The following PHEX variants were observed in gnomAD, a reference collection of about 807,000 sequenced individuals.
PHEX encodes the protein phosphate regulating endopeptidase X-linked.
In PHEX, 16 loss-of-function variants were observed where a neutral mutation model predicts 68.0. That is an observed-to-expected ratio of 0.24 (90% CI 0.16 to 0.36). The LOEUF is 0.36. PHEX is among the 10% of genes least tolerant of loss of function. The pLI is 1.00. For synonymous variants in PHEX, 208 were observed against 205.1 expected (o/e 1.01, Z -0.12); for missense variants, 480 against 575.5 (o/e 0.83, Z 1.70).
At chrX:22,047,797 C>G (rs911752222) in intron 3 of PHEX, among the ~76,000 whole-genome samples, 1 of 111,644 alleles carries the variant, frequency 9.0e-6, no homozygotes. Context: ...ATTCCCCTGC[C>G]CCCCGCCAAA....
intron 12 of PHEX, among the ~76,000 whole-genome samples, chrX:22,167,557 T>C (rs917122414): frequency 3.8e-5 from 4 of 104,840 alleles, no homozygotes; most frequent in Non-Finnish European, 7.8e-5. Context: ...AGTAGTGTGA[T>C]CATAGTTCAC....
intron 16 of PHEX, among the ~76,000 whole-genome samples, chrX:22,213,392 T>G (rs1239006852): frequency 9.0e-6 from 1 of 111,688 alleles, no homozygotes; most frequent in African/African-American, 3.3e-5. Context: ...GAAAAGAAGA[T>G]TGAGGTTTGA....
intron 5 of PHEX, among the ~76,000 whole-genome samples, chrX:22,089,221 C>T (rs1015778332): frequency 3.6e-5 from 4 of 111,279 alleles, no homozygotes; most frequent in Admixed American, 1.9e-4. Context: ...TGGGTTTTAC[C>T]GTGTTGGCCA....
intron 16 of PHEX, among the ~76,000 whole-genome samples, chrX:22,216,301 G>C (rs1935084409): frequency 1.8e-5 from 2 of 111,009 alleles, no homozygotes. Flanking sequence ...TTGTTTTGTT[G>C]TTGACAGCAA....
chrX:22,076,295 T>A, intron 3 of PHEX, 93 bp from the exon 4 acceptor site: 1 of 620,542 alleles, frequency 1.6e-6, no homozygotes, highest in South Asian at 2.3e-5. Flanking sequence ...TTGTATTTAA[T>A]TTTCTGGAGG....
Position 22,232,583 on chromosome X carries a change from AT to A in PHEX, c.2070+4974del, listed in dbSNP as rs200562442. Among the ~76,000 whole-genome samples the A allele has an allele frequency of 8.9e-3, 473 of 53,175 alleles. 5 individuals are homozygous for A. The highest frequency in any genetic ancestry group is 0.03 in the African/African-American group (454 of 15,361). The allele number at this position is 53,175 out of a possible 115,157, so 46.2% of individuals were successfully genotyped here. A position where few individuals can be genotyped will look rare whatever the true frequency, so the allele number is the denominator to read the frequency against. ...AAAGTCTGTTTTATCAGAGATTAGGATTGCCACTTCTGCTTTTTTTTTTTTT... is the reference window on the plus strand; with the variant it reads ...AAAGTCTGTTTTATCAGAGATTAGGATGCCACTTCTGCTTTTTTTTTTTTT... On this transcript the variant is annotated intron_variant, in intron 20 of 21. Coordinates refer to ENST00000379374, the MANE Select transcript of PHEX (RefSeq NM_000444.6).
intron 13 of PHEX, among the ~76,000 whole-genome samples, chrX:22,173,262 C>A (rs1933598384): frequency 8.9e-6 from 1 of 111,944 alleles, no homozygotes; most frequent in Non-Finnish European, 1.9e-5. Flanking sequence ...TGGTGCCCCC[C>A]AACCTTCCAG....
intron 20 of PHEX, among the ~76,000 whole-genome samples, chrX:22,235,134 G>T (rs1049088963): frequency 8.9e-6 from 1 of 111,790 alleles, no homozygotes. Context: ...ACCAGACCCT[G>T]CTTCGGCTTG....
chrX:22,093,909 T>C (rs943416726), intron 6 of PHEX, 74 bp from the exon 7 acceptor site: 5 of 626,563 alleles, frequency 8.0e-6, no homozygotes, highest in Admixed American at 2.3e-5. Context: ...TGCTATTTTC[T>C]GCTCTTCCAT....
chrX:22,226,917 G>A (rs895680244), intron 19 of PHEX, among the ~76,000 whole-genome samples: 2 of 111,055 alleles, frequency 1.8e-5, no homozygotes, highest in African/African-American at 6.5e-5. Flanking sequence ...AGAGGGTAGT[G>A]GTTCTCATAT....
At chrX:22,218,255 C>A (rs1267902103) in intron 16 of PHEX, among the ~76,000 whole-genome samples, 1 of 111,576 alleles carries the variant, frequency 9.0e-6, no homozygotes, top group Non-Finnish European at 1.9e-5. Flanking sequence ...AAGGCCTAGA[C>A]CCAGAAGTCA....
At chrX:22,229,666 A>G (rs1484724418) in intron 20 of PHEX, among the ~76,000 whole-genome samples, 1 of 112,150 alleles carries the variant, frequency 8.9e-6, no homozygotes, top group Non-Finnish European at 1.9e-5. Context: ...ATAGATTGCA[A>G]AAATTTTCTC....
intron 12 of PHEX, chrX:22,162,623 A>G (rs1933173434): frequency 8.9e-6 from 1 of 112,529 alleles, no homozygotes; most frequent in South Asian, 3.7e-4. Flanking sequence ...TCTTGCAGAC[A>G]ATGCTATGAA....
chrX:22,249,003 C>G lies in PHEX; in HGVS notation c.*1050C>G, dbSNP rs1205027176. 1 of 109,567 alleles carries G rather than the reference C, an allele frequency of 9.1e-6. No individual in the cohort carries two copies. Among genetic ancestry groups the G allele is most frequent in the African/African-American group, 3.3e-5 (1 of 30,029 alleles). The allele number at this position is 109,567 out of a possible 1,213,427, so 9.0% of individuals were successfully genotyped here. Reference sequence around the variant, plus strand: ...CTTCTTTTTCAGCTTAATGTTACCTCTCTTTAAAAAAAAAACATTTTTGAA... The same window carrying G: ...CTTCTTTTTCAGCTTAATGTTACCTGTCTTTAAAAAAAAAACATTTTTGAA... On this transcript the variant is annotated 3_prime_UTR_variant, in exon 22 of 22. Transcript: ENST00000379374.
At position 22,099,003 on chromosome X, in the gene PHEX, C is replaced by T; in HGVS notation, c.934-3C>T. 8.3e-7 allele frequency: 1 copy of T among 1,208,638 alleles called. No homozygotes were observed. Among genetic ancestry groups the T allele is most frequent in the Non-Finnish European group, 1.1e-6 (1 of 893,723 alleles). On this transcript the variant is annotated splice_region_variant and splice_polypyrimidine_tract_variant and intron_variant, in intron 8 of 21. Transcript: ENST00000379374. ...CATTCTGTTTTGTTCTCTCTCCCCT[C>T]AGTTCGACTGGCTGGGCTACATCAA...
intron 5 of PHEX, among the ~76,000 whole-genome samples, chrX:22,084,142 A>G (rs1033726308): frequency 8.9e-5 from 10 of 111,805 alleles, no homozygotes; most frequent in African/African-American, 3.2e-4. Context: ...ATATTTATGT[A>G]CTTGAATTTG....
intron 18 of PHEX, 27 bp downstream of exon 18, chrX:22,221,770 C>T (rs1213091918): frequency 4.2e-6 from 5 of 1,183,255 alleles, no homozygotes; most frequent in African/African-American, 3.5e-5. Context: ...CTAAGGGGGG[C>T]ACCTTGTGGT....
At chrX:22,066,586 C>T (rs1420411875) in intron 3 of PHEX, among the ~76,000 whole-genome samples, 1 of 111,914 alleles carries the variant, frequency 8.9e-6, no homozygotes, top group Non-Finnish European at 1.9e-5. Context: ...ACTGCTTGTG[C>T]CAAAGGTGCT....
chrX:22,239,759 A>G (rs897211580), intron 20 of PHEX, among the ~76,000 whole-genome samples: 33 of 111,638 alleles, frequency 3.0e-4, no homozygotes, highest in Non-Finnish European at 4.5e-4. Context: ...CCAAATCTAC[A>G]TTTGATGGGT....
Sources: allele counts gnomAD v4.1 joint callset (sites outside exome capture counted in the v4.1 genomes callset), GRCh38; gene constraint gnomAD v4.1.1; transcripts MANE v1.5; gene names NCBI Gene and HGNC (gene_info 2026-07-23, HGNC 2026-07-21).